HTR7: variants seen among roughly 807,000 people sequenced by gnomAD.
HTR7 encodes 5-hydroxytryptamine receptor 7.
In HTR7, 16 loss-of-function variants were observed where a neutral mutation model predicts 34.0. The observed-to-expected ratio is 0.47, with a 90% CI of 0.32 to 0.71. The LOEUF is 0.71. HTR7 is among the 30% of genes least tolerant of loss of function. The probability of loss-of-function intolerance (pLI) is 0.04; values close to 1 mark genes in which losing one functional copy is unlikely to be tolerated. For synonymous variants in HTR7, 265 were observed against 260.2 expected, an observed-to-expected ratio of 1.02 and a Z score of -0.18; for missense variants, 504 against 625.5, an observed-to-expected ratio of 0.81 and a Z score of 2.07.
intron 1 of HTR7, among the ~76,000 whole-genome samples, chr10:90,847,137 CTG>C (rs1322701484): frequency 6.6e-6 from 1 of 152,134 alleles, no homozygotes; most frequent in Non-Finnish European, 1.5e-5. Flanking sequence ...TCCATACAAA[CTG>C]TATGTCCTTG....
At position 90,816,948 on chromosome 10, in the gene HTR7, G is replaced by T. The variant is rs866865154; in HGVS notation, c.539+40185C>A. Among the ~76,000 whole-genome samples, 4 of 152,326 alleles carry T rather than the reference G, an allele frequency of 2.6e-5. No individual in the cohort carries two copies. In the South Asian group the frequency reaches 8.3e-4, roughly 32 times the overall value. ...AGGTTTTAAACATTGATGAGTGCCT[G>T]CCCTCTATGCCATCTGGCCTAGAAC... On this transcript the variant is annotated intron_variant, in intron 1 of 3. Transcript: ENST00000336152.
At chr10:90,821,356 T>C (rs1166788053) in intron 1 of HTR7, among the ~76,000 whole-genome samples, 2 of 152,126 alleles carry the variant, frequency 1.3e-5, no homozygotes, top group African/African-American at 4.8e-5. Flanking sequence ...TTGTGGGACT[T>C]TGCATTGGAA....
chr10:90,840,164 C>T (rs570035020), intron 1 of HTR7, among the ~76,000 whole-genome samples: 3 of 124,230 alleles, frequency 2.4e-5, no homozygotes, highest in Non-Finnish European at 5.4e-5. Context: ...CCATCTGTTT[C>T]TCTCTCTCTC....
rs1846615660 is a variant in HTR7, at chr10:90,857,704, G to A, written c.-33C>T. 2 of 1,461,440 alleles carry A rather than the reference G, an allele frequency of 1.4e-6. No individual in the cohort carries two copies. The highest frequency in any genetic ancestry group is 1.8e-6 in the Non-Finnish European group (2 of 1,120,652). The allele number at this position is 1,461,440 out of a possible 1,614,324, so 90.5% of individuals were successfully genotyped here. A position where few individuals can be genotyped will look rare whatever the true frequency, so the allele number is the denominator to read the frequency against. ...CCGTGTGCCGCTGCCCATGGAGCCG[G>A]CGCCCCGGCCACGCGCCTCCGGCTG... On this transcript the variant is annotated 5_prime_UTR_variant, in exon 1 of 4. Coordinates refer to ENST00000336152, the MANE Select transcript of HTR7 (RefSeq NM_019859.4). This position sits in a 1 kb window ranked among gnomAD's most constrained non-coding sequence, Gnocchi z 6.5.
At chr10:90,798,621 G>T (rs1564685858) in intron 1 of HTR7, among the ~76,000 whole-genome samples, 1 of 152,194 alleles carries the variant, frequency 6.6e-6, no homozygotes, top group Non-Finnish European at 1.5e-5. Flanking sequence ...GACCAAGGTG[G>T]GAGGATCTCT....
chr10:90,832,474 C>T (rs1035918134), intron 1 of HTR7, among the ~76,000 whole-genome samples: 30 of 152,168 alleles, frequency 2.0e-4, no homozygotes, highest in Non-Finnish European at 1.2e-4. Context: ...GCTCCGAGTG[C>T]GGGCCCGCCA....
rs1844885834 is a variant in HTR7, at chr10:90,759,039, T to C, written c.540-9445A>G. On this transcript the variant is annotated intron_variant, in intron 1 of 3. Coordinates refer to ENST00000336152, the MANE Select transcript of HTR7 (RefSeq NM_019859.4). Reference sequence around the variant, plus strand: ...CCTGTCTCTACTAAAAATACAAAATTAGCTGGGCGTGGTGGCACATGCCTG... The same window carrying C: ...CCTGTCTCTACTAAAAATACAAAATCAGCTGGGCGTGGTGGCACATGCCTG... Among the ~76,000 whole-genome samples, 5 of 150,970 alleles carry C rather than the reference T, an allele frequency of 3.3e-5. 1 individual carries two copies. The South Asian group carries it at 1.1e-3, about 32-fold the overall frequency.
At chr10:90,758,534 C>A (rs951678567) in intron 1 of HTR7, among the ~76,000 whole-genome samples, 1 of 151,534 alleles carries the variant, frequency 6.6e-6, no homozygotes, top group African/African-American at 2.4e-5. Flanking sequence ...ATAACATCTC[C>A]CTGAAGAAAA....
chr10:90,768,289 A>G (rs998853122), intron 1 of HTR7, among the ~76,000 whole-genome samples: 1 of 152,188 alleles, frequency 6.6e-6, no homozygotes. Context: ...CGCAACTACT[A>G]TTCTCCTTCC....
chr10:90,842,716 T>TG (rs1554859146), intron 1 of HTR7, among the ~76,000 whole-genome samples: 1 of 135,496 alleles, frequency 7.4e-6, no homozygotes, highest in Non-Finnish European at 1.6e-5. Flanking sequence ...GTTTATTTAG[T>TG]GAAAAAAAAA....
At chr10:90,784,740 C>G (rs1224123188) in intron 1 of HTR7, among the ~76,000 whole-genome samples, 3 of 152,236 alleles carry the variant, frequency 2.0e-5, no homozygotes, top group Non-Finnish European at 4.4e-5. Flanking sequence ...CCAACACACT[C>G]TCTAAGACAG....
Position 90,749,030 on chromosome 10 carries a change from T to C in HTR7, c.1104A>G (p.Thr368=). 6.2e-7 allele frequency: 1 copy of C among 1,614,012 alleles called. No individual in the cohort carries two copies. Among genetic ancestry groups the C allele is most frequent in the South Asian group, 1.1e-5 (1 of 91,072 alleles). ...CSCIPLWVER[T]FLWLGYANSL... is the part of the protein sequence containing the mutation. ...AGTTTGCATAGCCTAGCCACAGAAA[T>C]GTCCTCTCCACCCACAGTGGGATGC... Residue 368 remains threonine, a synonymous_variant, in exon 2 of 4, where the codon ACA becomes ACG. Coordinates refer to ENST00000336152, the MANE Select transcript of HTR7 (RefSeq NM_019859.4). The surrounding 1 kb of genome is among the most constrained non-coding windows in gnomAD (Gnocchi z 4.2).
intron 1 of HTR7, among the ~76,000 whole-genome samples, chr10:90,854,118 C>A (rs577857678): frequency 3.3e-5 from 5 of 152,354 alleles, no homozygotes; most frequent in Admixed American, 6.5e-5. Context: ...GTAATCCCAG[C>A]ATTTTGGGAG....
chr10:90,747,538 C>G (rs753637190), intron 2 of HTR7, among the ~76,000 whole-genome samples: 8 of 152,316 alleles, frequency 5.3e-5, no homozygotes, highest in Admixed American at 1.3e-4. Context: ...TTCCAACTTT[C>G]AGTTGTAAGA....
chr10:90,741,095 C>T lies in HTR7; in HGVS notation c.*1387G>A, dbSNP rs1470903446. 6.6e-6 allele frequency: 1 copy of T among 152,584 alleles called. No homozygotes were observed. Among genetic ancestry groups the T allele is most frequent in the African/African-American group, 2.4e-5 (1 of 41,442 alleles). 9.5% of individuals were successfully genotyped at this position (152,584 alleles called of 1,614,324 possible). A position where few individuals can be genotyped will look rare whatever the true frequency, so the allele number is the denominator to read the frequency against. On this transcript the variant is annotated 3_prime_UTR_variant, in exon 4 of 4. Transcript: ENST00000336152. ...AATGTCAATGGGAGTTAGAAGAAGT[C>T]CATAATCCATGTCAGAATTCCACTT...
chr10:90,835,663 T>C (rs1388010531), intron 1 of HTR7, among the ~76,000 whole-genome samples: 2 of 152,124 alleles, frequency 1.3e-5, no homozygotes, highest in Non-Finnish European at 2.9e-5. Flanking sequence ...CACAGATAAA[T>C]AAGATGCCCT....
At chr10:90,849,252 A>G (rs540950684) in intron 1 of HTR7, among the ~76,000 whole-genome samples, 180 of 152,316 alleles carry the variant, frequency 1.2e-3, no homozygotes, top group African/African-American at 4.0e-3. Flanking sequence ...ACTATTTGCA[A>G]CGTAGTTCAC....
chr10:90,759,159 C>A (rs1844890038), intron 1 of HTR7, among the ~76,000 whole-genome samples: 1 of 147,996 alleles, frequency 6.8e-6, no homozygotes, highest in African/African-American at 2.5e-5. Context: ...TGCACTCCAG[C>A]CTGGGCAACA....
At chr10:90,834,931 C>T (rs1378964338) in intron 1 of HTR7, among the ~76,000 whole-genome samples, 1 of 152,104 alleles carries the variant, frequency 6.6e-6, no homozygotes, top group Non-Finnish European at 1.5e-5. Flanking sequence ...TATCACAAGG[C>T]TGCATACAAG....
Sources: gnomAD v4.1 joint callset for allele counts (sites outside exome capture counted in the v4.1 genomes callset) on GRCh38, gnomAD v4.1.1 for gene constraint, Gnocchi (gnomAD v3.1) non-coding constraint, MANE v1.5 for transcripts, NCBI Gene and HGNC (gene_info 2026-07-23, HGNC 2026-07-21) for gene names.